The following CCPG1 variants were observed in gnomAD, a reference collection of about 807,000 sequenced individuals.
The protein encoded by CCPG1 is cell cycle progression protein 1.
In CCPG1, 46 loss-of-function variants were observed where a neutral mutation model predicts 81.3. That is an observed-to-expected ratio of 0.57 (90% CI 0.45 to 0.72). The LOEUF is 0.72. CCPG1 is among the 30% of genes least tolerant of loss of function. CCPG1 has a pLI of 0.00. For synonymous variants in CCPG1, 330 were observed against 305.2 expected, an observed-to-expected ratio of 1.08 and a Z score of -0.85; for missense variants, 902 against 937.6, an observed-to-expected ratio of 0.96 and a Z score of 0.50.
At chr15:55,377,510 C>T (rs894060784) in intron 4 of CCPG1, among the ~76,000 whole-genome samples, 1 of 152,232 alleles carries the variant, frequency 6.6e-6, no homozygotes, top group African/African-American at 2.4e-5. Context: ...AAAAGACTCA[C>T]TGAACTTTTT....
At chr15:55,358,963 AATT>A (rs1203329551) in intron 8 of CCPG1, 75 of 975,990 alleles carry the variant, frequency 7.7e-5, no homozygotes, top group Admixed American at 1.2e-4. Context: ...ATGGATAAAA[AATT>A]ATTATGAAGT....
chr15:55,356,419 G>A lies in CCPG1; in HGVS notation c.2235-10C>T. 1.3e-6 allele frequency: 2 copies of A among 1,499,432 alleles called. No homozygotes were observed. The highest frequency in any genetic ancestry group is 1.8e-6 in the Non-Finnish European group (2 of 1,126,446). The allele number at this position is 1,499,432 out of a possible 1,614,324, so 92.9% of individuals were successfully genotyped here. ...CTTTTTATCAGGTCGACTGAAAGCA[G>A]TAAACACATTTTTCATCTATGTTAG... On this transcript the variant is annotated splice_polypyrimidine_tract_variant and intron_variant, in intron 8 of 8. Transcript: ENST00000442196.
At chr15:55,407,984 A>G (rs552705846) in intron 1 of CCPG1, 1 of 152,328 alleles carries the variant, frequency 6.6e-6, no homozygotes, top group African/African-American at 2.4e-5. Flanking sequence ...AGGCTGCAAG[A>G]CCACCGGACC....
chr15:55,392,299 A>T (rs2056936548), intron 1 of CCPG1, among the ~76,000 whole-genome samples: 1 of 146,262 alleles, frequency 6.8e-6, no homozygotes, highest in Non-Finnish European at 1.5e-5. Context: ...ACAACCTCTG[A>T]CTCCCTGGTT....
At chr15:55,399,785 G>A (rs1323357158) in intron 1 of CCPG1, 1 of 152,066 alleles carries the variant, frequency 6.6e-6, no homozygotes, top group Non-Finnish European at 1.5e-5. Context: ...GAAAACTTAC[G>A]TTCTAAGAAC....
intron 7 of CCPG1, among the ~76,000 whole-genome samples, chr15:55,361,594 T>C (rs2056197731): frequency 6.6e-6 from 1 of 151,232 alleles, no homozygotes; most frequent in African/African-American, 2.4e-5. Context: ...TAGTCCCAGC[T>C]ACTTGGGAGG....
chr15:55,364,053 C>G lies in CCPG1; in HGVS notation c.828+1135G>C, dbSNP rs61469082. 4.2e-3 allele frequency among the ~76,000 whole-genome samples: 638 copies of G among 150,310 alleles called. 12 individuals carry two copies. The highest frequency in any genetic ancestry group is 0.015 in the African/African-American group (620 of 41,312). ...TCCTGGGCTCAAGCAATCCACCTAC[C>G]TTGGCTTCCCAAGGTTACCAACTTT... On this transcript the variant is annotated intron_variant, in intron 7 of 8. Coordinates refer to ENST00000442196, the MANE Select transcript of CCPG1 (RefSeq NM_001204450.2).
chr15:55,395,135 C>T (rs565219985), intron 1 of CCPG1, among the ~76,000 whole-genome samples: 5 of 152,132 alleles, frequency 3.3e-5, no homozygotes, highest in African/African-American at 9.6e-5. Context: ...AGACCAAACC[C>T]CTGGTGTTTT....
rs1192405486 is a variant in CCPG1, at chr15:55,372,052, G to GA, written c.455-9dup. 1 of 1,604,286 alleles carries GA rather than the reference G, an allele frequency of 6.2e-7. No homozygotes were observed. Among genetic ancestry groups the GA allele is most frequent in the South Asian group, 1.1e-5 (1 of 89,464 alleles). On this transcript the variant is annotated splice_polypyrimidine_tract_variant and intron_variant, in intron 5 of 8. Coordinates refer to ENST00000442196, the MANE Select transcript of CCPG1 (RefSeq NM_001204450.2). ...TAGGCTGAGATGAAAATACTATTAA[G>GA]AAAAAAGTTGACATTTAGCTATTCA...
intron 3 of CCPG1, among the ~76,000 whole-genome samples, chr15:55,383,193 C>T (rs1311770544): frequency 1.3e-5 from 2 of 152,234 alleles, no homozygotes; most frequent in South Asian, 2.1e-4. Context: ...CCTTGTACAT[C>T]TCCATCAGAG....
Position 55,360,520 on chromosome 15 carries a change from T to C in CCPG1, c.1253A>G (p.Tyr418Cys). The C allele has an allele frequency of 6.2e-7, 1 of 1,614,150 alleles. No homozygotes were observed. The highest frequency in any genetic ancestry group is 8.5e-7 in the Non-Finnish European group (1 of 1,180,026). ...LHGKSDSPNV[Y>C]TEKKEIAILR... Reference sequence around the variant, plus strand: ...GATTGCTATTTCCTTTTTTTCAGTATATACATTGGGAGAATCTGACTTGCC... The same window carrying C: ...GATTGCTATTTCCTTTTTTTCAGTACATACATTGGGAGAATCTGACTTGCC... The change falls in exon 8 of 9, where the codon TAT becomes TGT. Residue 418 changes from tyrosine (Y) to cysteine (C), a missense_variant. Transcript: ENST00000442196.
chr15:55,406,162 G>A (rs1167043608), intron 1 of CCPG1, among the ~76,000 whole-genome samples: 1 of 151,254 alleles, frequency 6.6e-6, no homozygotes, highest in African/African-American at 2.4e-5. Context: ...ACTGCTCTAG[G>A]CCTTTATTTT....
chr15:55,396,348 T>C (rs2057017501), intron 1 of CCPG1, among the ~76,000 whole-genome samples: 1 of 152,166 alleles, frequency 6.6e-6, no homozygotes, highest in Non-Finnish European at 1.5e-5. Context: ...GAAGAATACT[T>C]TGTGAAGACA....
Position 55,378,304 on chromosome 15 carries a change from A to G in CCPG1, c.248T>C (p.Ile83Thr), listed in dbSNP as rs753426806. ...CAGTGTAAAATACAAGTTTACCTCA[A>G]TTGTTGAGCTGGTTTCCTCCAAAGC... Reference protein sequence around the residue: ...YPALEETSSTIEAEEQKIPED... With the variant: ...YPALEETSSTTEAEEQKIPED... The change falls in exon 4 of 9, where the codon ATT becomes ACT. Residue 83 changes from isoleucine (I) to threonine (T), a missense_variant. Physicochemically the swap from Ile to Thr is moderately conservative, Grantham distance 89. Transcript: ENST00000442196. 2.1e-5 allele frequency: 33 copies of G among 1,601,068 alleles called. No homozygotes were observed. Among genetic ancestry groups the G allele is most frequent in the Middle Eastern group, 3.6e-4 (2 of 5,626 alleles).
intron 1 of CCPG1, among the ~76,000 whole-genome samples, chr15:55,396,475 C>CAAG (rs2141334346): frequency 6.6e-6 from 1 of 152,308 alleles, no homozygotes; most frequent in East Asian, 1.9e-4. Flanking sequence ...GCAGGTTTCT[C>CAAG]AAGTGTTTAA....
chr15:55,357,439 C>T, intron 8 of CCPG1: 3 of 985,432 alleles, frequency 3.0e-6, no homozygotes, highest in Non-Finnish European at 3.6e-6. Flanking sequence ...ATCCTCTAGG[C>T]TGCTACCAAT....
At chr15:55,373,680 T>C (rs2056500397) in intron 5 of CCPG1, among the ~76,000 whole-genome samples, 2 of 152,202 alleles carry the variant, frequency 1.3e-5, no homozygotes, top group Admixed American at 1.3e-4. Context: ...AAGGAAGACT[T>C]AAACAAAGCA....
intron 4 of CCPG1, among the ~76,000 whole-genome samples, 178 bp from the exon 5 acceptor site, chr15:55,377,328 T>C (rs1189965337): frequency 6.6e-6 from 1 of 152,216 alleles, no homozygotes; most frequent in Non-Finnish European, 1.5e-5. Context: ...GAGAACACCA[T>C]CAGATCCCTT....
At chr15:55,398,433 A>G (rs2057064260) in intron 1 of CCPG1, among the ~76,000 whole-genome samples, 1 of 152,192 alleles carries the variant, frequency 6.6e-6, no homozygotes, top group Non-Finnish European at 1.5e-5. Context: ...GACCAAAGAT[A>G]AGCGAGTCAG....
Sources: allele counts gnomAD v4.1 joint callset (sites outside exome capture counted in the v4.1 genomes callset), GRCh38; gene constraint gnomAD v4.1.1; transcripts MANE v1.5; gene names NCBI Gene and HGNC (gene_info 2026-07-23, HGNC 2026-07-21).